PTP4A3: variants seen among roughly 807,000 people sequenced by gnomAD.
The protein encoded by PTP4A3 is protein tyrosine phosphatase 4A3, also known as protein tyrosine phosphatase type IVA 3.
Under a neutral mutation model 15.2 loss-of-function variants are expected in PTP4A3, and 9 were observed. The observed-to-expected ratio is 0.59, with a 90% CI of 0.36 to 1.03. The LOEUF (loss-of-function observed/expected upper bound fraction) is 1.03. Among genes scored for constraint, PTP4A3 ranks in the 50% least tolerant of loss-of-function variants. The pLI, the probability that PTP4A3 is intolerant of heterozygous loss-of-function variation, is 0.02. For synonymous variants in PTP4A3, 95 were observed against 102.0 expected (o/e 0.93, Z 0.41); for missense variants, 234 against 252.1 (o/e 0.93, Z 0.49).
At chr8:141,399,472 C>A (rs1413918135) in intron 1 of PTP4A3, among the ~76,000 whole-genome samples, 1 of 152,194 alleles carries the variant, frequency 6.6e-6, no homozygotes, top group Non-Finnish European at 1.5e-5. Flanking sequence ...CCCTCGGTGG[C>A]CTCCCTGTCC....
At position 141,431,135 on chromosome 8, in the gene PTP4A3, C is replaced by A; in HGVS notation, c.*91C>A. 8.1e-7 allele frequency: 1 copy of A among 1,232,780 alleles called. No homozygotes were observed. The highest frequency in any genetic ancestry group is 1.2e-6 in the Non-Finnish European group (1 of 850,504). The allele number at this position is 1,232,780 out of a possible 1,614,324, so 76.4% of individuals were successfully genotyped here. The stretch of plus-strand genomic sequence containing the variant: ...CCCAGCCCTGCTCTGCCCAGCCCAG[C>A]AGGGGCTCCAGGCCTTGGCTGGCCC... On this transcript the variant is annotated 3_prime_UTR_variant, in exon 6 of 6. Coordinates refer to ENST00000521578, the MANE Select transcript of PTP4A3 (RefSeq NM_032611.3).
In PTP4A3 at chr8:141,430,929, A is replaced by C; in HGVS notation, c.407A>C (p.Lys136Thr). The part of the protein sequence containing the change: ...YEDAIQFIRQ[K>T]RRGAINSKQL... ...TGTTCCTGTTCCCCTCTTCCCAGGA[A>C]GCGCCGCGGAGCCATCAACAGCAAG... is the stretch of plus-strand genomic sequence containing the variant. Residue 136 changes from lysine to threonine, a missense_variant and splice_region_variant, in exon 6 of 6, where the codon AAG (lysine) becomes ACG (threonine). Coordinates refer to ENST00000521578, the MANE Select transcript of PTP4A3 (RefSeq NM_032611.3). 1 of 1,613,040 alleles carries C rather than the reference A, an allele frequency of 6.2e-7. No homozygotes were observed. Among genetic ancestry groups the C allele is most frequent in the Non-Finnish European group, 8.5e-7 (1 of 1,179,850 alleles).
At chr8:141,416,222 G>A (rs1428081703) in intron 1 of PTP4A3, among the ~76,000 whole-genome samples, 1 of 151,954 alleles carries the variant, frequency 6.6e-6, no homozygotes, top group Non-Finnish European at 1.5e-5. Context: ...ACTGAGGCTG[G>A]GGGGCAGGAG....
chr8:141,431,161 C>T lies in PTP4A3; in HGVS notation c.*117C>T, dbSNP rs1376093595. On this transcript the variant is annotated 3_prime_UTR_variant, in exon 6 of 6. Transcript: ENST00000521578. ...AGGGGCTCCAGGCCTTGGCTGGCCCCACATCGCCTTTTCCTCCCCGACACC... is the reference window on the plus strand; with the variant it reads ...AGGGGCTCCAGGCCTTGGCTGGCCCTACATCGCCTTTTCCTCCCCGACACC... 2.1e-6 allele frequency: 2 copies of T among 971,362 alleles called. No individual in the cohort carries two copies. Among genetic ancestry groups the T allele is most frequent in the Admixed American group, 2.2e-5 (1 of 45,116 alleles). 60.2% of individuals were successfully genotyped at this position (971,362 alleles called of 1,614,324 possible).
At chr8:141,428,702 G>A (rs911453613) in intron 5 of PTP4A3, among the ~76,000 whole-genome samples, 11 of 152,204 alleles carry the variant, frequency 7.2e-5, no homozygotes, top group Non-Finnish European at 1.5e-4. Context: ...TCTCCCTGGG[G>A]ACCATGGGAT....
intron 1 of PTP4A3, among the ~76,000 whole-genome samples, chr8:141,396,802 A>G (rs531548775): frequency 6.0e-4 from 92 of 152,296 alleles, no homozygotes; most frequent in Admixed American, 2.2e-3. Flanking sequence ...AAGACCACGC[A>G]TAACCCGAGG....
chr8:141,416,007 G>C (rs766570640), intron 1 of PTP4A3, among the ~76,000 whole-genome samples: 2 of 152,024 alleles, frequency 1.3e-5, no homozygotes, highest in African/African-American at 4.8e-5. Context: ...AGACTTCTCC[G>C]AAAGGCCTGG....
At chr8:141,423,346 C>T (rs756704079) in intron 2 of PTP4A3, among the ~76,000 whole-genome samples, 33 of 152,198 alleles carry the variant, frequency 2.2e-4, no homozygotes, top group Admixed American at 5.9e-4. Flanking sequence ...GAGAACAGCA[C>T]GGTGAGTGGC....
chr8:141,427,705 G>C (rs1357511851), intron 4 of PTP4A3, 45 bp from the exon 5 acceptor site: 1 of 1,508,414 alleles, frequency 6.6e-7, no homozygotes, highest in Admixed American at 2.0e-5. Flanking sequence ...AAGGGGACAG[G>C]GGTGCGCAGG....
intron 1 of PTP4A3, among the ~76,000 whole-genome samples, chr8:141,416,634 C>T (rs1440350404): frequency 6.6e-6 from 1 of 152,122 alleles, no homozygotes; most frequent in African/African-American, 2.4e-5. Flanking sequence ...AGGGAGCTCA[C>T]ACCCTTGGGG....
At position 141,430,030 on chromosome 8, in the gene PTP4A3, G is replaced by A. The variant is rs551888766; in HGVS notation, c.405-897G>A. On this transcript the variant is annotated intron_variant, in intron 5 of 5. Coordinates refer to ENST00000521578, the MANE Select transcript of PTP4A3 (RefSeq NM_032611.3). The stretch of plus-strand genomic sequence containing the variant: ...GGGTGAGCGCACAGTCTGGGTCCCC[G>A]CTGTAAGGACCAGGTGGCGGGGACA... 5.7e-5 allele frequency among the ~76,000 whole-genome samples: 6 copies of A among 104,862 alleles called. 1 individual carries two copies. The highest frequency in any genetic ancestry group is 3.7e-4 in the South Asian group (1 of 2,716). The allele number at this position is 104,862 out of a possible 152,430, so 68.8% of individuals were successfully genotyped here.
intron 1 of PTP4A3, among the ~76,000 whole-genome samples, chr8:141,400,358 A>C (rs1832560868): frequency 1.3e-5 from 2 of 152,242 alleles, no homozygotes; most frequent in Non-Finnish European, 2.9e-5. Flanking sequence ...TGTTCATTAT[A>C]AAAATTCAAA....
Position 141,425,196 on chromosome 8 carries a change from CG to C in PTP4A3, c.198+62del. Reference sequence around the variant, plus strand: ...CTGCTGCCACCGGGGGAGGGTGGGGCGGGGGGCTCCGGGCCTGCGCAGAGGG... The same window carrying C: ...CTGCTGCCACCGGGGGAGGGTGGGGCGGGGGCTCCGGGCCTGCGCAGAGGG... On this transcript the variant is annotated intron_variant, in intron 3 of 5. Coordinates refer to ENST00000521578, the MANE Select transcript of PTP4A3 (RefSeq NM_032611.3). The surrounding 1 kb of genome is among the most constrained non-coding windows in gnomAD (Gnocchi z 4.2). 1.1e-5 allele frequency: 4 copies of C among 361,474 alleles called. No homozygotes were observed. In the East Asian group the frequency reaches 2.0e-4, roughly 18 times the overall value. 22.4% of individuals were successfully genotyped at this position (361,474 alleles called of 1,614,324 possible).
Position 141,425,196 on chromosome 8 carries a change from C to CGGGGGGCCCCGGGGGGGGGGGGGGGGG in PTP4A3, c.198+63_198+64insCCCGGGGGGGGGGGGGGGGGGGGGGGC. On this transcript the variant is annotated intron_variant, in intron 3 of 5. Coordinates refer to ENST00000521578, the MANE Select transcript of PTP4A3 (RefSeq NM_032611.3). This position sits in a 1 kb window ranked among gnomAD's most constrained non-coding sequence, Gnocchi z 4.2. ...CTGCTGCCACCGGGGGAGGGTGGGG[C>CGGGGGGCCCCGGGGGGGGGGGGGGGGG]GGGGGGCTCCGGGCCTGCGCAGAGG... The CGGGGGGCCCCGGGGGGGGGGGGGGGGG allele has an allele frequency of 8.3e-6, 3 of 361,486 alleles. No individual in the cohort carries two copies. Among genetic ancestry groups the CGGGGGGCCCCGGGGGGGGGGGGGGGGG allele is most frequent in the African/African-American group, 2.6e-5 (1 of 38,258 alleles). The allele number at this position is 361,486 out of a possible 1,614,324, so 22.4% of individuals were successfully genotyped here.
rs866894115 is a variant in PTP4A3 at position 141,432,403 on chromosome 8, C to T, written c.*1359C>T. 2.0e-5 allele frequency: 3 copies of T among 152,358 alleles called. No individual in the cohort carries two copies. The highest frequency in any genetic ancestry group is 6.5e-5 in the Admixed American group (1 of 15,308). 9.4% of individuals were successfully genotyped at this position (152,358 alleles called of 1,614,324 possible). A position where few individuals can be genotyped will look rare whatever the true frequency, so the allele number is the denominator to read the frequency against. On this transcript the variant is annotated 3_prime_UTR_variant, in exon 6 of 6. Coordinates refer to ENST00000521578, the MANE Select transcript of PTP4A3 (RefSeq NM_032611.3). ...AGCTGTCCCGGATGGTTATTCTCTC[C>T]TTTCCTCAAACACATTTGGAACTCA... is the stretch of plus-strand genomic sequence containing the variant.
chr8:141,419,654 C>T (rs1258404388), intron 1 of PTP4A3, among the ~76,000 whole-genome samples: 1 of 150,872 alleles, frequency 6.6e-6, no homozygotes, highest in East Asian at 2.0e-4. Flanking sequence ...TCACTGCAAC[C>T]TCTGCCTCCA....
At position 141,402,655 on chromosome 8, in the gene PTP4A3, GGCCCTTCC is replaced by G. The variant is rs1308893669; in HGVS notation, c.-854+10575_-854+10582del. The stretch of plus-strand genomic sequence containing the variant: ...CGCCCACATGGGGAGGCTGAGGATT[GGCCCTTCC>G]GCCTCTGGCTACCCCTCTTCCCCTC... On this transcript the variant is annotated intron_variant, in intron 1 of 5. Coordinates refer to ENST00000521578, the MANE Select transcript of PTP4A3 (RefSeq NM_032611.3). Among the ~76,000 whole-genome samples, 4 of 152,110 alleles carry G rather than the reference GGCCCTTCC, an allele frequency of 2.6e-5. No homozygotes were observed. In the East Asian group the frequency reaches 7.8e-4, roughly 30 times the overall value.
Position 141,422,186 on chromosome 8 carries a change from G to C in PTP4A3, c.-55G>C. ...GGTGTGTGGGGACTTCTCAGGTCGT[G>C]TCCCCAGCCTTCTCTGCAGTCCCTT... On this transcript the variant is annotated 5_prime_UTR_variant, in exon 2 of 6. Coordinates refer to ENST00000521578, the MANE Select transcript of PTP4A3 (RefSeq NM_032611.3). 1.3e-6 allele frequency: 2 copies of C among 1,573,366 alleles called. No homozygotes were observed. The highest frequency in any genetic ancestry group is 1.7e-6 in the Non-Finnish European group (2 of 1,145,456).
chr8:141,422,681 C>T (rs1276698350), intron 2 of PTP4A3, among the ~76,000 whole-genome samples: 1 of 152,144 alleles, frequency 6.6e-6, no homozygotes, highest in African/African-American at 2.4e-5. Flanking sequence ...TCAGCCGTGG[C>T]CTGGGCTGGG....
Sources: allele counts gnomAD v4.1 joint callset (sites outside exome capture counted in the v4.1 genomes callset), GRCh38; gene constraint gnomAD v4.1.1; non-coding constraint Gnocchi (gnomAD v3.1); transcripts MANE v1.5; gene names NCBI Gene and HGNC (gene_info 2026-07-23, HGNC 2026-07-21).